The following AGAP1 variants were observed in gnomAD, a reference collection of about 807,000 sequenced individuals.
The protein encoded by AGAP1 is arf-GAP with GTPase, ANK repeat and PH domain-containing protein 1.
A neutral mutation model predicts 105.3 loss-of-function variants in AGAP1; 29 were observed. The observed-to-expected ratio is 0.28, with a 90% CI of 0.21 to 0.38. The LOEUF (loss-of-function observed/expected upper bound fraction) is 0.38. Among genes scored for constraint, AGAP1 ranks in the 10% least tolerant of loss-of-function variants. AGAP1 has a pLI of 1.00. For missense variants in AGAP1, 998 were observed against 1,165.1 expected, an observed-to-expected ratio of 0.86 and a Z score of 2.09; for synonymous variants, 509 against 485.9, an observed-to-expected ratio of 1.05 and a Z score of -0.63.
At chr2:235,667,702 T>C (rs181686396) in intron 1 of AGAP1, among the ~76,000 whole-genome samples, 47 of 152,126 alleles carry the variant, frequency 3.1e-4, no homozygotes, top group Admixed American at 5.9e-4. Flanking sequence ...GGCTCACGCC[T>C]GTAATCCCAG....
intron 9 of AGAP1, among the ~76,000 whole-genome samples, chr2:235,841,171 C>A (rs1157146702): frequency 3.9e-5 from 6 of 152,040 alleles, no homozygotes; most frequent in African/African-American, 1.4e-4. Context: ...AGTGTAGACA[C>A]CGCCTAGGAG....
At position 235,747,860 on chromosome 2, in the gene AGAP1, C is replaced by T. The variant is rs900480128; in HGVS notation, c.539-2494C>T. ...GGGTAGGCAGCGTTAGAGGTCAGAG[C>T]ATATGGGATGGGAAAGAACGGAAGA... On this transcript the variant is annotated intron_variant, in intron 5 of 17. Coordinates refer to ENST00000304032, the MANE Select transcript of AGAP1 (RefSeq NM_001037131.3). The surrounding 1 kb of genome is among the most constrained non-coding windows in gnomAD (Gnocchi z 5.0). Among the ~76,000 whole-genome samples the T allele has an allele frequency of 6.6e-6, 1 of 152,192 alleles. No individual in the cohort carries two copies. Among genetic ancestry groups the T allele is most frequent in the Non-Finnish European group, 1.5e-5 (1 of 68,038 alleles).
At position 235,979,811 on chromosome 2, in the gene AGAP1, T is replaced by C. The variant is rs1559719696; in HGVS notation, c.1645+11188T>C. Among the ~76,000 whole-genome samples the C allele has an allele frequency of 1.3e-5, 2 of 152,254 alleles. No individual in the cohort carries two copies. ...CACACAGTTTAATTCTATTTAATTT[T>C]TTTAAGTGGAAAAAAGCAAAGGAAA... On this transcript the variant is annotated intron_variant, in intron 13 of 17. Transcript: ENST00000304032. This position sits in a 1 kb window ranked among gnomAD's most constrained non-coding sequence, Gnocchi z 4.5.
At position 235,700,420 on chromosome 2, in the gene AGAP1, A is replaced by T. The variant is rs528637161; in HGVS notation, c.164-8759A>T. ...GTGAATCCTTTAAGCAGTGCTTTACACACCCACGACAAGGGCGTTCTTGGG... is the reference window on the plus strand; with the variant it reads ...GTGAATCCTTTAAGCAGTGCTTTACTCACCCACGACAAGGGCGTTCTTGGG... On this transcript the variant is annotated intron_variant, in intron 1 of 17. Coordinates refer to ENST00000304032, the MANE Select transcript of AGAP1 (RefSeq NM_001037131.3). This position sits in a 1 kb window ranked among gnomAD's most constrained non-coding sequence, Gnocchi z 6.1. Among the ~76,000 whole-genome samples, 1 of 152,108 alleles carries T rather than the reference A, an allele frequency of 6.6e-6. No individual in the cohort carries two copies. The highest frequency in any genetic ancestry group is 2.4e-5 in the African/African-American group (1 of 41,406).
At position 236,102,155 on chromosome 2, in the gene AGAP1, C is replaced by T. The variant is rs1022271497; in HGVS notation, c.2115-18037C>T. Among the ~76,000 whole-genome samples the T allele has an allele frequency of 3.8e-4, 58 of 152,202 alleles. 1 individual carries two copies. The East Asian group carries it at 5.2e-3, about 14-fold the overall frequency. On this transcript the variant is annotated intron_variant, in intron 16 of 17. Coordinates refer to ENST00000304032, the MANE Select transcript of AGAP1 (RefSeq NM_001037131.3). ...AAATTAGGCCGGGCGCGGTGGCTCA[C>T]GCCTGTAATCCCAGCACTTTGGGAG...
intron 9 of AGAP1, among the ~76,000 whole-genome samples, chr2:235,812,416 G>A (rs1054173540): frequency 7.9e-5 from 12 of 152,338 alleles, no homozygotes; most frequent in African/African-American, 2.6e-4. Flanking sequence ...TGTCAATTAA[G>A]TGAAAGGAAC....
intron 6 of AGAP1, chr2:235,774,513 A>G (rs1045822195): frequency 8.7e-6 from 3 of 346,266 alleles, no homozygotes; most frequent in Non-Finnish European, 1.8e-5. Flanking sequence ...CTTTAAGTGT[A>G]GTAGCCTAAA....
intron 11 of AGAP1, among the ~76,000 whole-genome samples, chr2:235,913,479 C>T (rs527364148): frequency 6.6e-6 from 1 of 151,830 alleles, no homozygotes; most frequent in Non-Finnish European, 1.5e-5. Context: ...CATATGTTGC[C>T]TTTGTTGTAG....
chr2:235,708,743 T>C (rs1950674273), intron 1 of AGAP1, among the ~76,000 whole-genome samples: 1 of 152,130 alleles, frequency 6.6e-6, no homozygotes, highest in Non-Finnish European at 1.5e-5. Flanking sequence ...AAAATGACTA[T>C]TGTAGTAGAC....
rs565175369 is a variant in AGAP1 at position 235,937,131 on chromosome 2, G to A, written c.1483+6208G>A. On this transcript the variant is annotated intron_variant, in intron 12 of 17. Transcript: ENST00000304032. ...GCTGGCATTCAAAAGCGTTCCCTGG[G>A]GGTTGTCATCAACCTTCAGCTTAGC... Among the ~76,000 whole-genome samples the A allele has an allele frequency of 2.0e-5, 3 of 152,238 alleles. No homozygotes were observed. The South Asian group carries it at 6.2e-4, about 32-fold the overall frequency.
rs549202124 is a variant in AGAP1 at position 236,042,129 on chromosome 2, C to T, written c.1891+1288C>T. On this transcript the variant is annotated intron_variant, in intron 15 of 17. Coordinates refer to ENST00000304032, the MANE Select transcript of AGAP1 (RefSeq NM_001037131.3). The surrounding 1 kb of genome is among the most constrained non-coding windows in gnomAD (Gnocchi z 5.6). Reference sequence around the variant, plus strand: ...GCAGGAAGGAGATGGACCCTGAGCTCCACTTGGGGAGATGGATCTGGCCAG... The same window carrying T: ...GCAGGAAGGAGATGGACCCTGAGCTTCACTTGGGGAGATGGATCTGGCCAG... Among the ~76,000 whole-genome samples, 128 of 152,286 alleles carry T rather than the reference C, an allele frequency of 8.4e-4. No homozygotes were observed. Among genetic ancestry groups the T allele is most frequent in the Admixed American group, 4.1e-3 (62 of 15,302 alleles).
intron 13 of AGAP1, among the ~76,000 whole-genome samples, chr2:236,004,716 A>G (rs1381105240): frequency 6.6e-6 from 1 of 152,232 alleles, no homozygotes; most frequent in Non-Finnish European, 1.5e-5. Flanking sequence ...TCTTTCAGTC[A>G]CAACTGAATG....
At position 236,095,960 on chromosome 2, in the gene AGAP1, G is replaced by C. The variant is rs2059181743; in HGVS notation, c.2115-24232G>C. ...TTTTAGAAATTCTTCCGTGATTCAG[G>C]GTTCGCCAACATGAGTTATTTCCCA... On this transcript the variant is annotated intron_variant, in intron 16 of 17. Transcript: ENST00000304032. The surrounding 1 kb of genome is among the most constrained non-coding windows in gnomAD (Gnocchi z 4.1). Among the ~76,000 whole-genome samples the C allele has an allele frequency of 6.6e-6, 1 of 152,122 alleles. No homozygotes were observed. Among genetic ancestry groups the C allele is most frequent in the Non-Finnish European group, 1.5e-5 (1 of 68,040 alleles).
intron 6 of AGAP1, among the ~76,000 whole-genome samples, chr2:235,766,713 A>G (rs896328798): frequency 6.6e-6 from 1 of 152,180 alleles, no homozygotes; most frequent in Non-Finnish European, 1.5e-5. Flanking sequence ...CAGAAGAATC[A>G]AAGAAAAGTT....
chr2:235,619,995 A>G lies in AGAP1; in HGVS notation c.164-89184A>G, dbSNP rs543416201. Among the ~76,000 whole-genome samples the G allele has an allele frequency of 5.9e-5, 9 of 152,190 alleles. No homozygotes were observed. In the East Asian group the frequency reaches 1.7e-3, roughly 30 times the overall value. On this transcript the variant is annotated intron_variant, in intron 1 of 17. Transcript: ENST00000304032. ...TGGCATGGCTGTCCCAAGGAGACACATGTTACTGTCTCTGTAGCTGCCTGT... is the reference window on the plus strand; with the variant it reads ...TGGCATGGCTGTCCCAAGGAGACACGTGTTACTGTCTCTGTAGCTGCCTGT...
chr2:235,794,668 C>T (rs1957160239), intron 6 of AGAP1, among the ~76,000 whole-genome samples: 1 of 152,144 alleles, frequency 6.6e-6, no homozygotes, highest in Non-Finnish European at 1.5e-5. Flanking sequence ...GACGGGATTT[C>T]ACCATGTTGG....
intron 3 of AGAP1, among the ~76,000 whole-genome samples, chr2:235,718,644 G>A (rs534531742): frequency 6.6e-6 from 1 of 152,180 alleles, no homozygotes; most frequent in Non-Finnish European, 1.5e-5. Flanking sequence ...CCTGAATACT[G>A]CGGAACCGTT....
intron 6 of AGAP1, among the ~76,000 whole-genome samples, chr2:235,778,221 G>A (rs1330072189): frequency 1.3e-5 from 2 of 152,190 alleles, no homozygotes; most frequent in Non-Finnish European, 2.9e-5. Context: ...ATTGGTTCAT[G>A]TACCTTGTAC....
intron 9 of AGAP1, among the ~76,000 whole-genome samples, chr2:235,827,938 G>A (rs1050542133): frequency 2.0e-5 from 3 of 152,212 alleles, no homozygotes; most frequent in South Asian, 2.1e-4. Flanking sequence ...TCTGGGAAGC[G>A]CTGGTTTCTG....
Sources: allele counts gnomAD v4.1 joint callset (sites outside exome capture counted in the v4.1 genomes callset), GRCh38; gene constraint gnomAD v4.1.1; non-coding constraint Gnocchi (gnomAD v3.1); transcripts MANE v1.5; gene names NCBI Gene and HGNC (gene_info 2026-07-23, HGNC 2026-07-21).